Variants in TSHZ3 observed in about 807,000 individuals in gnomAD.
TSHZ3 encodes teashirt zinc finger homeobox 3, also known as teashirt homolog 3.
TSHZ3 carries 10 observed loss-of-function variants against 64.5 expected under a neutral mutation model. The ratio of observed to expected loss-of-function variants is 0.16; its 90% CI spans 0.10 to 0.26. The LOEUF (loss-of-function observed/expected upper bound fraction) is 0.26. Among genes scored for constraint, TSHZ3 ranks in the 10% least tolerant of loss-of-function variants. The pLI, the probability that TSHZ3 is intolerant of heterozygous loss-of-function variation, is 1.00. For missense variants in TSHZ3, 1,242 were observed against 1,421.7 expected (o/e 0.87, Z 2.03); for synonymous variants, 608 against 593.1 (o/e 1.03, Z -0.36).
chr19:31,259,959 G>A (rs769130966), intron 1 of TSHZ3, among the ~76,000 whole-genome samples: 16 of 152,274 alleles, frequency 1.1e-4, no homozygotes, highest in South Asian at 2.1e-4. Context: ...GCCCAGTTGC[G>A]CGGGAGAGAG....
At chr19:31,156,122 G>C (rs1033337436) in intron 6 of TSHZ3, among the ~76,000 whole-genome samples, 1 of 152,054 alleles carries the variant, frequency 6.6e-6, no homozygotes, top group African/African-American at 2.4e-5. Flanking sequence ...AAAACAGATG[G>C]GCCAATGTTA....
At chr19:31,216,053 CA>C (rs1440480099) in intron 4 of TSHZ3, among the ~76,000 whole-genome samples, 1 of 148,756 alleles carries the variant, frequency 6.7e-6, no homozygotes, top group African/African-American at 2.5e-5. Context: ...CCATACAATG[CA>C]ATTACTTACA....
chr19:31,283,186 T>C (rs1260936950), intron 1 of TSHZ3, among the ~76,000 whole-genome samples: 3 of 152,006 alleles, frequency 2.0e-5, no homozygotes, highest in Non-Finnish European at 2.9e-5. Flanking sequence ...ACAAAAAAAT[T>C]AGCCAGACAT....
chr19:31,224,963 A>AG (rs1200138240), intron 4 of TSHZ3, among the ~76,000 whole-genome samples: 1 of 152,188 alleles, frequency 6.6e-6, no homozygotes, highest in Non-Finnish European at 1.5e-5. Context: ...TAGAAGCCCC[A>AG]GGGCCCCTGT....
intron 5 of TSHZ3, among the ~76,000 whole-genome samples, chr19:31,189,381 A>G (rs896997827): frequency 2.6e-5 from 4 of 151,796 alleles, no homozygotes; most frequent in East Asian, 1.9e-4. Context: ...AAGGCAATAC[A>G]TTTTCCTCTA....
chr19:31,337,062 G>A (rs1032229688), intron 1 of TSHZ3, among the ~76,000 whole-genome samples: 6 of 145,130 alleles, frequency 4.1e-5, no homozygotes, highest in African/African-American at 1.6e-4. Context: ...ACTTGCAAGG[G>A]TCATATCTTT....
At chr19:31,311,929 G>T (rs1440529135) in intron 1 of TSHZ3, among the ~76,000 whole-genome samples, 1 of 152,040 alleles carries the variant, frequency 6.6e-6, no homozygotes, top group Non-Finnish European at 1.5e-5. Context: ...TCACCATATT[G>T]GTCAGGCTGG....
At chr19:31,168,904 T>TTGA (rs1463841937) in intron 5 of TSHZ3, among the ~76,000 whole-genome samples, 1 of 152,178 alleles carries the variant, frequency 6.6e-6, no homozygotes, top group African/African-American at 2.4e-5. Context: ...AGCATCCAAC[T>TTGA]GTCATAAGCT....
downstream of TSHZ3, among the ~76,000 whole-genome samples, chr19:31,273,082 G>C (rs746847164): frequency 1.3e-5 from 2 of 152,104 alleles, no homozygotes; most frequent in African/African-American, 4.8e-5. Flanking sequence ...AGGTTCTTCC[G>C]GACAGTGGCC....
intron 3 of TSHZ3, among the ~76,000 whole-genome samples, chr19:31,234,582 T>C (rs1396130871): frequency 6.6e-6 from 1 of 152,238 alleles, no homozygotes; most frequent in African/African-American, 2.4e-5. Flanking sequence ...GTGTTTTTCA[T>C]CATGAACAAG....
intron 1 of TSHZ3, among the ~76,000 whole-genome samples, chr19:31,266,993 C>T (rs528187575): frequency 6.6e-6 from 1 of 152,324 alleles, no homozygotes; most frequent in South Asian, 2.1e-4. Flanking sequence ...CGGCCCACTT[C>T]AAGTTTCAGG....
chr19:31,217,834 CCTGATAACCACTGGTCTTTTCACTGT>C (rs1975353064), intron 4 of TSHZ3, among the ~76,000 whole-genome samples: 1 of 152,204 alleles, frequency 6.6e-6, no homozygotes, highest in South Asian at 2.1e-4. Flanking sequence ...CCCCTCAACC[CCTGATAACCACTGGTCTTTTCACTGT>C]CTTTACAATT....
chr19:31,276,406 T>A lies in TSHZ3; in HGVS notation c.*141A>T. ...ACCTCTATTAAACACTGTACAGTTA[T>A]ACAAAACAGTCCAGCCCAGAGTGAT... is the stretch of plus-strand genomic sequence containing the variant. On this transcript the variant is annotated 3_prime_UTR_variant, in exon 2 of 2. Coordinates refer to ENST00000240587, the MANE Select transcript of TSHZ3 (RefSeq NM_020856.4). 1.3e-6 allele frequency: 1 copy of A among 795,616 alleles called. No homozygotes were observed. The highest frequency in any genetic ancestry group is 2.0e-6 in the Non-Finnish European group (1 of 499,244). 49.3% of individuals were successfully genotyped at this position (795,616 alleles called of 1,614,324 possible). A position where few individuals can be genotyped will look rare whatever the true frequency, so the allele number is the denominator to read the frequency against.
At chr19:31,258,976 CCCAGCCCCACGGTCTTGCTTACA>C (rs1420545554) in intron 1 of TSHZ3, among the ~76,000 whole-genome samples, 2 of 152,224 alleles carry the variant, frequency 1.3e-5, no homozygotes, top group African/African-American at 2.4e-5. Flanking sequence ...TCTATCCAAC[CCCAGCCCCACGGTCTTGCTTACA>C]CATAGTTGGT....
rs778759041 is a variant in TSHZ3 at position 31,277,915 on chromosome 19, C to T, written c.1878G>A (p.Glu626=). ...GCTTCCCATCCGGCTCCTTCATCTT[C>T]TCCTCCACTTTGGCAACTTTCTCAG... ...KVTEKVAKVE[E]KMKEPDGKLS... is the part of the protein sequence containing the mutation. The change falls in exon 2 of 2, where the codon GAG becomes GAA. Residue 626 remains glutamate, a synonymous_variant. Coordinates refer to ENST00000240587, the MANE Select transcript of TSHZ3 (RefSeq NM_020856.4). This position sits in a 1 kb window ranked among gnomAD's most constrained non-coding sequence, Gnocchi z 4.5. The T allele has an allele frequency of 8.1e-6, 13 of 1,614,204 alleles. No individual in the cohort carries two copies. Among genetic ancestry groups the T allele is most frequent in the Non-Finnish European group, 8.5e-7 (1 of 1,180,032 alleles).
intron 4 of TSHZ3, among the ~76,000 whole-genome samples, chr19:31,226,959 C>CTCTT (rs1174328128): frequency 9.5e-5 from 11 of 115,196 alleles, no homozygotes; most frequent in East Asian, 2.4e-4. Flanking sequence ...TCTTTTTCTT[C>CTCTT]TCTTTCTTTC....
chr19:31,164,823 A>T (rs979802253), intron 5 of TSHZ3, among the ~76,000 whole-genome samples: 2 of 152,174 alleles, frequency 1.3e-5, no homozygotes, highest in Non-Finnish European at 2.9e-5. Context: ...TCTCTGCAAC[A>T]GGACATCAAA....
At chr19:31,162,734 C>T (rs1974387367) in intron 5 of TSHZ3, among the ~76,000 whole-genome samples, 1 of 152,204 alleles carries the variant, frequency 6.6e-6, no homozygotes, top group Non-Finnish European at 1.5e-5. Flanking sequence ...TTTTCTTGAG[C>T]ATCTACTATG....
intron 4 of TSHZ3, among the ~76,000 whole-genome samples, chr19:31,225,232 GC>G (rs1481857658): frequency 2.6e-5 from 4 of 152,222 alleles, no homozygotes; most frequent in African/African-American, 9.6e-5. Flanking sequence ...ATTATAGGAA[GC>G]CTGGCCCCAG....
Sources: allele counts gnomAD v4.1 joint callset (sites outside exome capture counted in the v4.1 genomes callset), GRCh38; gene constraint gnomAD v4.1.1; non-coding constraint Gnocchi (gnomAD v3.1); transcripts MANE v1.5; gene names NCBI Gene and HGNC (gene_info 2026-07-23, HGNC 2026-07-21).